Variants in NAV2 observed in about 807,000 individuals in gnomAD.
NAV2 encodes helicase, APC down-regulated 1.
NAV2 carries 54 observed loss-of-function variants against 223.2 expected under a neutral mutation model. The ratio of observed to expected loss-of-function variants is 0.24; its 90% CI spans 0.19 to 0.30. The LOEUF is 0.30. NAV2 is among the 10% of genes least tolerant of loss of function. NAV2 has a pLI of 1.00. For missense variants in NAV2, 2,806 were observed against 3,147.5 expected (o/e 0.89, Z 2.60); for synonymous variants, 1,279 against 1,239.3 (o/e 1.03, Z -0.67).
chr11:19,618,784 T>G (rs1039582847), intron 1 of NAV2, among the ~76,000 whole-genome samples: 3 of 151,362 alleles, frequency 2.0e-5, no homozygotes, highest in Non-Finnish European at 4.4e-5. Flanking sequence ...GAAGGAAAGA[T>G]TGGGGAGGGG....
At chr11:19,519,553 CAG>C (rs1239978868) in intron 1 of NAV2, among the ~76,000 whole-genome samples, 1 of 152,194 alleles carries the variant, frequency 6.6e-6, no homozygotes, top group Admixed American at 6.5e-5. Context: ...TGCCACCTAA[CAG>C]AGAGTGCGTG....
At chr11:19,627,927 AAG>A (rs150765143) in intron 1 of NAV2, among the ~76,000 whole-genome samples, 50,217 of 128,038 alleles carry the variant, frequency 0.39, 10,861 homozygotes, top group Non-Finnish European at 0.49. Context: ...AAAAAAAAAA[AAG>A]AAGAAGAAGA....
intron 1 of NAV2, among the ~76,000 whole-genome samples, chr11:19,379,616 A>G (rs1460955136): frequency 6.6e-6 from 1 of 152,172 alleles, no homozygotes; most frequent in Non-Finnish European, 1.5e-5. Context: ...GCTTGGCCAC[A>G]TCCGCTGCCC....
intron 1 of NAV2, among the ~76,000 whole-genome samples, chr11:19,606,172 A>G (rs1259233283): frequency 6.6e-6 from 1 of 152,220 alleles, no homozygotes; most frequent in Non-Finnish European, 1.5e-5. Flanking sequence ...CTTGGCAGCA[A>G]AAGCCAAACT....
chr11:19,914,591 G>A (rs1430219712), intron 6 of NAV2, among the ~76,000 whole-genome samples: 1 of 148,748 alleles, frequency 6.7e-6, no homozygotes, highest in African/African-American at 2.5e-5. Context: ...AGGCCGGACT[G>A]CGGACTGCAG....
At chr11:20,007,193 C>T (rs778925034) in intron 11 of NAV2, among the ~76,000 whole-genome samples, 32 of 151,876 alleles carry the variant, frequency 2.1e-4, no homozygotes, top group Non-Finnish European at 4.1e-4. Context: ...CTGGACTCCA[C>T]GGCTTTGGCC....
chr11:19,523,656 G>T (rs965070916), intron 1 of NAV2, among the ~76,000 whole-genome samples: 1 of 152,194 alleles, frequency 6.6e-6, no homozygotes, highest in Non-Finnish European at 1.5e-5. Context: ...TGTGCCATGA[G>T]GGCAAGGGCC....
chr11:19,376,455 A>G (rs1193113854), intron 1 of NAV2, among the ~76,000 whole-genome samples: 1 of 152,218 alleles, frequency 6.6e-6, no homozygotes, highest in African/African-American at 2.4e-5. Context: ...ACGAGGGCAC[A>G]GAGGGGACGA....
chr11:19,990,434 C>G (rs1015385311), intron 11 of NAV2, among the ~76,000 whole-genome samples: 13 of 152,138 alleles, frequency 8.5e-5, no homozygotes, highest in African/African-American at 2.9e-4. Context: ...TAAGCAATTG[C>G]TAGAGGTTCT....
chr11:19,404,530 CT>C (rs1337660487), intron 1 of NAV2, among the ~76,000 whole-genome samples: 3 of 122,926 alleles, frequency 2.4e-5, no homozygotes, highest in Non-Finnish European at 5.3e-5. Flanking sequence ...TCTGTGGATG[CT>C]TTTATAGATA....
intron 9 of NAV2, among the ~76,000 whole-genome samples, chr11:19,948,477 A>G (rs1243559184): frequency 6.6e-6 from 1 of 152,162 alleles, no homozygotes; most frequent in Non-Finnish European, 1.5e-5. Flanking sequence ...TAGCAGGGAA[A>G]GTCTCCGGTA....
In NAV2 at chr11:19,915,681, C is replaced by G. The variant is rs74516638; in HGVS notation, c.932-17495C>G. Among the ~76,000 whole-genome samples the G allele has an allele frequency of 4.3e-3, 662 of 152,288 alleles. 1 individual carries two copies. The highest frequency in any genetic ancestry group is 7.3e-3 in the Non-Finnish European group (495 of 68,012). ...TGACCTCTGGAGATTGAGTTTGAAG[C>G]CCTTTCTCTGAGTTCTCCTGCACCC... On this transcript the variant is annotated intron_variant, in intron 6 of 37. Transcript: ENST00000349880.
At chr11:19,785,402 A>C (rs1275303185) in intron 1 of NAV2, among the ~76,000 whole-genome samples, 2 of 152,214 alleles carry the variant, frequency 1.3e-5, no homozygotes, top group East Asian at 3.8e-4. Flanking sequence ...GTTTCTTTGG[A>C]AATGGGCCAC....
chr11:19,965,342 G>A (rs570577746), intron 10 of NAV2, among the ~76,000 whole-genome samples: 4 of 152,038 alleles, frequency 2.6e-5, no homozygotes, highest in Non-Finnish European at 4.4e-5. Context: ...AAATGTAATC[G>A]CTCTTCTTTC....
intron 14 of NAV2, among the ~76,000 whole-genome samples, chr11:20,047,986 C>T (rs2057617121): frequency 6.6e-6 from 1 of 152,110 alleles, no homozygotes; most frequent in South Asian, 2.1e-4. Flanking sequence ...TATGTCATTC[C>T]TTGTAGTCTG....
At chr11:19,473,819 A>G (rs947587618) in intron 1 of NAV2, among the ~76,000 whole-genome samples, 6 of 152,188 alleles carry the variant, frequency 3.9e-5, no homozygotes, top group African/African-American at 1.4e-4. Context: ...AGCCACAAAG[A>G]ATTGTCTCAC....
intron 1 of NAV2, among the ~76,000 whole-genome samples, chr11:19,774,833 C>A (rs916977007): frequency 6.6e-6 from 1 of 152,132 alleles, no homozygotes; most frequent in Non-Finnish European, 1.5e-5. Flanking sequence ...TCCCTCCACA[C>A]CTTCCCATCT....
At chr11:19,992,990 A>G (rs565777088) in intron 11 of NAV2, among the ~76,000 whole-genome samples, 2 of 152,314 alleles carry the variant, frequency 1.3e-5, no homozygotes, top group Non-Finnish European at 2.9e-5. Context: ...AAAGATGTCT[A>G]GCAATATGAA....
chr11:19,438,112 C>T (rs1222770278), intron 1 of NAV2, among the ~76,000 whole-genome samples: 1 of 152,214 alleles, frequency 6.6e-6, no homozygotes, highest in African/African-American at 2.4e-5. Flanking sequence ...TTCTGATCCA[C>T]TATCACCCAT....
Sources: gnomAD v4.1 joint callset for allele counts (sites outside exome capture counted in the v4.1 genomes callset) on GRCh38, gnomAD v4.1.1 for gene constraint, MANE v1.5 for transcripts, NCBI Gene and HGNC (gene_info 2026-07-23, HGNC 2026-07-21) for gene names.